The following QTGAL variants were observed in gnomAD, a reference collection of about 807,000 sequenced individuals.
The protein encoded by QTGAL is queuosine-tRNA galactosyltransferase.
At chr17:82,958,812 T>C in the QTGAL span, among the ~76,000 whole-genome samples, 947 of 126,320 alleles carry the variant, frequency 7.5e-3, 10 homozygotes, top group Middle Eastern at 0.02. Flanking sequence ...TGTGTGTGTA[T>C]ACTGTGTGGG....
chr17:82,989,890 T>A, the QTGAL span, among the ~76,000 whole-genome samples: 1 of 151,470 alleles, frequency 6.6e-6, no homozygotes, highest in African/African-American at 2.4e-5. Context: ...ACCACAGGAG[T>A]ATATTACGGG....
At chr17:82,959,035 CTG>C in the QTGAL span, among the ~76,000 whole-genome samples, 3 of 16,404 alleles carry the variant, frequency 1.8e-4, no homozygotes, top group African/African-American at 9.0e-4. Context: ...TGTGTGTATA[CTG>C]TGGGGGTGTA....
chr17:83,044,811 T>C, the QTGAL span, among the ~76,000 whole-genome samples: 4 of 152,306 alleles, frequency 2.6e-5, no homozygotes, highest in South Asian at 8.3e-4. Flanking sequence ...CTGGTTGTGG[T>C]GGCGCACGCC....
the QTGAL span, among the ~76,000 whole-genome samples, chr17:82,970,873 G>C: frequency 1.3e-5 from 2 of 152,234 alleles, no homozygotes; most frequent in African/African-American, 4.8e-5. Flanking sequence ...GTCCAAGACC[G>C]GGCAGCTGCC....
chr17:83,024,758 C>T, the QTGAL span, among the ~76,000 whole-genome samples: 1 of 152,266 alleles, frequency 6.6e-6, no homozygotes, highest in African/African-American at 2.4e-5. Context: ...TCGGCATGCC[C>T]TGGTCACCTT....
chr17:83,021,029 G>A, the QTGAL span, among the ~76,000 whole-genome samples: 1 of 152,168 alleles, frequency 6.6e-6, no homozygotes, highest in East Asian at 1.9e-4. Context: ...GAAGCTGTAC[G>A]TACATTTGTG....
At chr17:83,005,751 C>A in the QTGAL span, 1 of 839,598 alleles carries the variant, frequency 1.2e-6, no homozygotes, top group Admixed American at 2.2e-5. The surrounding 1 kb of genome is among the most constrained non-coding windows in gnomAD (Gnocchi z 5.6). Flanking sequence ...GGCCAGCACC[C>A]CTGCCTCAGG....
the QTGAL span, among the ~76,000 whole-genome samples, chr17:82,972,607 C>T: frequency 6.5e-5 from 8 of 122,636 alleles, no homozygotes; most frequent in African/African-American, 1.5e-4. Context: ...GACCTGGTGC[C>T]GACACACCAC....
the QTGAL span, among the ~76,000 whole-genome samples, chr17:82,960,781 C>T: frequency 1.3e-5 from 2 of 152,344 alleles, no homozygotes; most frequent in South Asian, 2.1e-4. Flanking sequence ...TCAGAAGGAC[C>T]CGGCGCGTGG....
the QTGAL span, among the ~76,000 whole-genome samples, chr17:82,998,132 C>T: frequency 2.3e-4 from 35 of 151,860 alleles, no homozygotes; most frequent in East Asian, 2.1e-3. Flanking sequence ...GTTTGTAACA[C>T]AAAGGATAAA....
chr17:82,970,558 C>CGTGAT, the QTGAL span, among the ~76,000 whole-genome samples: 13 of 101,098 alleles, frequency 1.3e-4, no homozygotes, highest in Admixed American at 5.7e-4. Context: ...CCGGCGTGGC[C>CGTGAT]GCGACCTCCG....
chr17:83,047,568 C>A, the QTGAL span, among the ~76,000 whole-genome samples: 5 of 139,342 alleles, frequency 3.6e-5, no homozygotes, highest in Admixed American at 2.1e-4. Context: ...TAAATCCCTA[C>A]CAAAGAATAA....
chr17:82,972,705 C>A, the QTGAL span, among the ~76,000 whole-genome samples: 28 of 124,990 alleles, frequency 2.2e-4, no homozygotes, highest in African/African-American at 6.3e-4. Flanking sequence ...ACCACAGGGG[C>A]CAGAAGGACC....
At chr17:82,956,630 G>T in the QTGAL span, 1 of 1,454,606 alleles carries the variant, frequency 6.9e-7, no homozygotes, top group East Asian at 2.5e-5. The surrounding 1 kb of genome is among the most constrained non-coding windows in gnomAD (Gnocchi z 5.7). Context: ...ACAGCAGGGC[G>T]GGTTGTCCAG....
the QTGAL span, among the ~76,000 whole-genome samples, chr17:83,037,721 T>G: frequency 6.6e-6 from 1 of 152,320 alleles, no homozygotes; most frequent in East Asian, 1.9e-4. The surrounding 1 kb of genome is among the most constrained non-coding windows in gnomAD (Gnocchi z 5.2). Flanking sequence ...CTGCTCACAA[T>G]GCGGCTTGTT....
At chr17:82,986,612 A>G in the QTGAL span, among the ~76,000 whole-genome samples, 1 of 152,238 alleles carries the variant, frequency 6.6e-6, no homozygotes, top group Non-Finnish European at 1.5e-5. Flanking sequence ...AAGCTGGTGA[A>G]GCAGATTTGA....
At chr17:82,985,247 A>G in the QTGAL span, among the ~76,000 whole-genome samples, 8 of 152,394 alleles carry the variant, frequency 5.2e-5, no homozygotes, top group African/African-American at 1.2e-4. Flanking sequence ...TCAAACAGAC[A>G]CATCAAAAGT....
the QTGAL span, among the ~76,000 whole-genome samples, chr17:82,968,070 G>C: frequency 6.6e-6 from 1 of 152,188 alleles, no homozygotes; most frequent in Non-Finnish European, 1.5e-5. Flanking sequence ...GTTAAACACA[G>C]ACTTCCACGC....
the QTGAL span, chr17:82,956,705 C>T: frequency 3.0e-5 from 47 of 1,582,904 alleles, no homozygotes; most frequent in Non-Finnish European, 4.0e-5. This position sits in a 1 kb window ranked among gnomAD's most constrained non-coding sequence, Gnocchi z 5.7. Flanking sequence ...CAGCTTCACG[C>T]AGATGACGAA....
Sources: gnomAD v4.1 joint callset for allele counts (sites outside exome capture counted in the v4.1 genomes callset) on GRCh38, gnomAD v4.1.1 for gene constraint, Gnocchi (gnomAD v3.1) non-coding constraint, MANE v1.5 for transcripts, NCBI Gene and HGNC (gene_info 2026-07-23, HGNC 2026-07-21) for gene names.